LCT: variants seen among roughly 807,000 people sequenced by gnomAD.
LCT encodes lactase.
Under a neutral mutation model 173.0 loss-of-function variants are expected in LCT, and 90 were observed. The ratio of observed to expected loss-of-function variants is 0.52; its 90% confidence interval spans 0.44 to 0.62. The LOEUF (loss-of-function observed/expected upper bound fraction) is 0.62. Among genes scored for constraint, LCT ranks in the 20% least tolerant of loss-of-function variants. LCT has a pLI of 0.00. For missense variants in LCT, 1,864 were observed against 2,431.4 expected (o/e 0.77, Z 4.91); for synonymous variants, 853 against 957.6 (o/e 0.89, Z 2.02).
chr2:135,811,239 A>T (rs1421092934), intron 7 of LCT, among the ~76,000 whole-genome samples: 1 of 152,078 alleles, frequency 6.6e-6, no homozygotes, highest in Admixed American at 6.6e-5. Flanking sequence ...AGCCTAAAAC[A>T]TATATTCCCT....
At chr2:135,794,510 A>G in intron 14 of LCT, 131 bp downstream of exon 14, 2 of 971,960 alleles carry the variant, frequency 2.1e-6, no homozygotes, top group East Asian at 4.9e-5. Context: ...GGTGGCGAGC[A>G]TCTTGCAAAC....
In LCT at chr2:135,805,191, G is replaced by A. The variant is rs952355214; in HGVS notation, c.4174-134C>T. 6.7e-6 allele frequency: 6 copies of A among 900,912 alleles called. No individual in the cohort carries two copies. In the African/African-American group the frequency reaches 9.8e-5, roughly 15 times the overall value. The allele number at this position is 900,912 out of a possible 1,614,324, so 55.8% of individuals were successfully genotyped here. ...CGCTTAGCTTAAAACAAGCACATTG[G>A]TCCATGTGTGGTGGCTCACGCCGGC... On this transcript the variant is annotated intron_variant, in intron 9 of 16. Coordinates refer to ENST00000264162, the MANE Select transcript of LCT (RefSeq NM_002299.4).
Position 135,808,698 on chromosome 2 carries a change from T to A in LCT, c.3649A>T (p.Lys1217Ter). The change falls in exon 8 of 17, where the codon AAA becomes TAA. Residue 1217 changes from lysine (K) to a stop codon, truncating the protein, a stop_gained. Transcript: ENST00000264162. LOFTEE classifies it high-confidence loss of function. ...NTYYSRIVQH[K>*]TPRLNPPSYE... is the part of the protein sequence containing the mutation. ...GAGGGTGGGTTTAGCCTGGGTGTTT[T>A]GTGCTGCACGATTCTGGAGTAGTAC... The A allele has an allele frequency of 6.2e-7, 1 of 1,614,208 alleles. No homozygotes were observed. Among genetic ancestry groups the A allele is most frequent in the East Asian group, 2.2e-5 (1 of 44,878 alleles).
At chr2:135,829,907 T>C (rs2077920963) in intron 2 of LCT, among the ~76,000 whole-genome samples, 1 of 151,734 alleles carries the variant, frequency 6.6e-6, no homozygotes, top group Non-Finnish European at 1.5e-5. Context: ...GCATCACCTA[T>C]GTGCTCATCC....
chr2:135,795,928 T>C (rs973755024), intron 13 of LCT, among the ~76,000 whole-genome samples: 2 of 152,020 alleles, frequency 1.3e-5, no homozygotes, highest in Admixed American at 1.3e-4. Context: ...GCCTAGATAA[T>C]TTTTAAATTT....
At chr2:135,814,728 G>A (rs1339860091) in intron 6 of LCT, among the ~76,000 whole-genome samples, 1 of 151,994 alleles carries the variant, frequency 6.6e-6, no homozygotes, top group East Asian at 1.9e-4. Context: ...TGTTGGCCAG[G>A]CTGGTCTCGA....
At chr2:135,801,208 C>T (rs905169704) in intron 11 of LCT, among the ~76,000 whole-genome samples, 21 of 152,268 alleles carry the variant, frequency 1.4e-4, no homozygotes, top group African/African-American at 4.8e-4. Flanking sequence ...ATCGCAGAAT[C>T]TAAAGCCCCC....
Position 135,787,880 on chromosome 2 carries a change from CACAA to C in LCT, c.*440_*443del, listed in dbSNP as rs2077504017. On this transcript the variant is annotated 3_prime_UTR_variant, in exon 17 of 17. Transcript: ENST00000264162. ...TCTGCTGTTTTTATTTTCTGGAAAA[CACAA>C]GATGTGAAGCTAGGGAGAGCTTGCA... The C allele has an allele frequency of 8.2e-6, 1 of 121,992 alleles. No individual in the cohort carries two copies. The highest frequency in any genetic ancestry group is 3.7e-5 in the African/African-American group (1 of 27,056). The allele number at this position is 121,992 out of a possible 1,614,324, so 7.6% of individuals were successfully genotyped here. A position where few individuals can be genotyped will look rare whatever the true frequency, so the allele number is the denominator to read the frequency against.
chr2:135,810,053 G>T, intron 7 of LCT, 60 bp from the exon 8 acceptor site: 1 of 1,219,006 alleles, frequency 8.2e-7, no homozygotes, highest in Non-Finnish European at 1.2e-6. Context: ...TTGAGATGGG[G>T]TCTCACTGTA....
At chr2:135,834,808 A>AAAAAAAAAAG (rs1222170749) in intron 1 of LCT, among the ~76,000 whole-genome samples, 54 of 138,294 alleles carry the variant, frequency 3.9e-4, no homozygotes, top group South Asian at 2.2e-3. Context: ...AAAAAAAAAA[A>AAAAAAAAAAG]AAGAAGAAGA....
intron 5 of LCT, chr2:135,821,581 A>G (rs1022420957): frequency 3.5e-5 from 7 of 198,762 alleles, no homozygotes; most frequent in Admixed American, 1.1e-4. Flanking sequence ...CCTGGGCTCA[A>G]GCGATCCTCT....
At chr2:135,826,249 T>C (rs188013773) in intron 3 of LCT, among the ~76,000 whole-genome samples, 1 of 152,230 alleles carries the variant, frequency 6.6e-6, no homozygotes, top group African/African-American at 2.4e-5. Flanking sequence ...CAGACACTGG[T>C]AGAAGTGTCT....
At chr2:135,792,884 C>T (rs1198522037) in intron 14 of LCT, among the ~76,000 whole-genome samples, 1 of 152,172 alleles carries the variant, frequency 6.6e-6, no homozygotes, top group Non-Finnish European at 1.5e-5. Context: ...AACCCAAATA[C>T]CCTGGCCAAC....
At position 135,809,075 on chromosome 2, in the gene LCT, T is replaced by A; in HGVS notation, c.3272A>T (p.Tyr1091Phe). 1.2e-6 allele frequency: 2 copies of A among 1,613,898 alleles called. No homozygotes were observed. The highest frequency in any genetic ancestry group is 1.7e-6 in the Non-Finnish European group (2 of 1,180,038). The change falls in exon 8 of 17, where the codon TAT becomes TTT. Residue 1091 changes from tyrosine (Y) to phenylalanine (F), a missense_variant. Coordinates refer to ENST00000264162, the MANE Select transcript of LCT (RefSeq NM_002299.4). This position sits in a 1 kb window ranked among gnomAD's most constrained non-coding sequence, Gnocchi z 5.5. ...PGVKDPGWAP[Y>F]RIAHAVIKAH... ...TTTGATGACGGCGTGGGCTATCCTA[T>A]ATGGTGCCCAGCCTGGGTCCTTCAC... is the stretch of plus-strand genomic sequence containing the variant.
At chr2:135,791,132 G>A (rs1275438540) in intron 14 of LCT, among the ~76,000 whole-genome samples, 1 of 152,232 alleles carries the variant, frequency 6.6e-6, no homozygotes, top group Non-Finnish European at 1.5e-5. Context: ...CTCTGCCTGT[G>A]CAGAGAATGG....
At chr2:135,820,467 T>C (rs1215484292) in intron 5 of LCT, 1 of 152,458 alleles carries the variant, frequency 6.6e-6, no homozygotes, top group Non-Finnish European at 1.5e-5. Context: ...AAGCCTGAGG[T>C]ACAGCTGCTG....
In LCT at chr2:135,804,785, G is replaced by T. The variant is rs148768579; in HGVS notation, c.4446C>A (p.Ala1482=). The T allele has an allele frequency of 7.4e-6, 12 of 1,612,746 alleles. No homozygotes were observed. The South Asian group carries it at 1.2e-4, about 16-fold the overall frequency. ...YYVRLIDTLL[A]ASIQPQVTIY... ...ACCATACCTGGGGCTGGATGCTGGCGGCCAGCAGTGTATCGATGAGCCTCA... is the reference window on the plus strand; with the variant it reads ...ACCATACCTGGGGCTGGATGCTGGCTGCCAGCAGTGTATCGATGAGCCTCA... Residue 1482 remains alanine (A), a synonymous_variant, in exon 10 of 17, where the codon GCC becomes GCA. Coordinates refer to ENST00000264162, the MANE Select transcript of LCT (RefSeq NM_002299.4).
chr2:135,802,183 C>T (rs968581141), intron 11 of LCT, among the ~76,000 whole-genome samples: 2 of 152,186 alleles, frequency 1.3e-5, no homozygotes, highest in Non-Finnish European at 2.9e-5. Context: ...TGAGGCACAT[C>T]TCCTGGTGGC....
At chr2:135,792,711 C>G (rs909717197) in intron 14 of LCT, among the ~76,000 whole-genome samples, 1 of 152,198 alleles carries the variant, frequency 6.6e-6, no homozygotes, top group Non-Finnish European at 1.5e-5. Flanking sequence ...AACCAGCCCC[C>G]TATTCCCCCA....
Sources: allele counts gnomAD v4.1 joint callset (sites outside exome capture counted in the v4.1 genomes callset), GRCh38; gene constraint gnomAD v4.1.1; non-coding constraint Gnocchi (gnomAD v3.1); transcripts MANE v1.5; gene names NCBI Gene and HGNC (gene_info 2026-07-23, HGNC 2026-07-21).